UBFD1: variants seen among roughly 807,000 people sequenced by gnomAD.
The protein encoded by UBFD1 is ubiquitin family domain containing 1, also known as ubiquitin domain-containing protein UBFD1.
UBFD1 carries 12 observed loss-of-function variants against 35.1 expected under a neutral mutation model. That is an observed-to-expected ratio of 0.34 (90% CI 0.22 to 0.55). The LOEUF (loss-of-function observed/expected upper bound fraction) is 0.55, where lower values mean the gene tolerates loss of function less well. Among genes scored for constraint, UBFD1 ranks in the 20% least tolerant of loss-of-function variants. The probability of loss-of-function intolerance (pLI) is 0.89; values close to 1 mark genes in which losing one functional copy is unlikely to be tolerated. For synonymous variants in UBFD1, 178 were observed against 167.6 expected (o/e 1.06, Z -0.48); for missense variants, 337 against 410.8 (o/e 0.82, Z 1.55).
rs772473529 is a variant in UBFD1 at position 23,558,052 on chromosome 16, C to T, written c.128C>T (p.Ala43Val). ...CLEAEAAAGAAAEDSGAARGS... is the reference protein window; with the variant it reads ...CLEAEAAAGAVAEDSGAARGS... ...GAGGCTGAAGCCGCGGCGGGGGCGG[C>T]GGCCGAGGACTCCGGCGCCGCACGA... is the stretch of plus-strand genomic sequence containing the variant. The change falls in exon 2 of 7, where the codon GCG becomes GTG. Residue 43 changes from alanine (A) to valine (V), a missense_variant. By Grantham distance (64) the Ala-to-Val change is moderately conservative. Around this residue, in one of 4 missense-constraint regions of UBFD1, gnomAD observed 198 missense variants for 168.4 expected, o/e 1.18. Transcript: ENST00000395878. 18 of 1,338,166 alleles carry T rather than the reference C, an allele frequency of 1.3e-5. No individual in the cohort carries two copies. The highest frequency in any genetic ancestry group is 2.1e-4 in the Middle Eastern group (1 of 4,660). 82.9% of individuals were successfully genotyped at this position (1,338,166 alleles called of 1,614,324 possible).
At chr16:23,563,020 A>G (rs1965960205) in intron 5 of UBFD1, among the ~76,000 whole-genome samples, 1 of 152,220 alleles carries the variant, frequency 6.6e-6, no homozygotes. Flanking sequence ...TGGTCCACAG[A>G]AAAATGTTTT....
chr16:23,559,686 TC>T lies in UBFD1; in HGVS notation c.564+11del, dbSNP rs1484900830. 1.2e-6 allele frequency: 2 copies of T among 1,614,088 alleles called. No homozygotes were observed. The highest frequency in any genetic ancestry group is 1.7e-5 in the Admixed American group (1 of 60,018). ...TCTCTGCAGGCAGAAAGTGAGTCCA[TC>T]TTGTGCTTCTTGGTCTTGAGAAATT... On this transcript the variant is annotated intron_variant, in intron 3 of 6. Coordinates refer to ENST00000395878, the MANE Select transcript of UBFD1 (RefSeq NM_019116.3).
At chr16:23,559,763 GCTC>G in intron 3 of UBFD1, 87 bp downstream of exon 3, 1 of 1,574,460 alleles carries the variant, frequency 6.4e-7, no homozygotes, top group South Asian at 1.1e-5. Context: ...CCTAGAATAA[GCTC>G]CTTTTTGGAC....
At position 23,570,949 on chromosome 16, in the gene UBFD1, A is replaced by T. The variant is rs77282410; in HGVS notation, c.*359A>T. 0.2 allele frequency: 12,212 copies of T among 60,530 alleles called. 1,007 individuals are homozygous for T. Among genetic ancestry groups the T allele is most frequent in the African/African-American group, 0.42 (8,775 of 20,712 alleles). The allele number at this position is 60,530 out of a possible 1,614,324, so 3.7% of individuals were successfully genotyped here. A position where few individuals can be genotyped will look rare whatever the true frequency, so the allele number is the denominator to read the frequency against. ...AATGATCAAAAGCTTTGTTTTTTTT[A>T]AAAAAAAAAAAAGCAGTTTCAATTG... On this transcript the variant is annotated 3_prime_UTR_variant, in exon 7 of 7. Transcript: ENST00000395878.
intron 5 of UBFD1, 137 bp from the exon 6 acceptor site, chr16:23,566,850 T>C (rs2142219430): frequency 1.3e-6 from 1 of 759,074 alleles, no homozygotes; most frequent in Non-Finnish European, 2.2e-6. Flanking sequence ...TGTCGTGTTG[T>C]CCCCAGAGGG....
chr16:23,568,308 C>T (rs888659732), intron 6 of UBFD1, among the ~76,000 whole-genome samples: 10 of 151,774 alleles, frequency 6.6e-5, no homozygotes, highest in Admixed American at 4.6e-4. Context: ...TACAGGCTCA[C>T]GCCACCACAC....
At chr16:23,566,964 C>T in intron 5 of UBFD1, 23 bp from the exon 6 acceptor site, 1 of 1,611,646 alleles carries the variant, frequency 6.2e-7, no homozygotes, top group Non-Finnish European at 8.5e-7. Flanking sequence ...TTTGAATAAT[C>T]ACTGTAATCC....
chr16:23,559,746 T>C, intron 3 of UBFD1, 70 bp downstream of exon 3: 2 of 1,595,768 alleles, frequency 1.3e-6, no homozygotes, highest in South Asian at 2.2e-5. Flanking sequence ...TGGCTGGTTA[T>C]ATTCTCCCTA....
At chr16:23,565,775 T>C (rs11074567) in intron 5 of UBFD1, 14,395 of 152,008 alleles carry the variant, frequency 0.095, 1,077 homozygotes, top group African/African-American at 0.2. Flanking sequence ...TTAGACTCTA[T>C]CTTTCCAGAT....
rs1966083491 is a variant in UBFD1, at chr16:23,571,432, C to T, written c.*842C>T. 2 of 152,392 alleles carry T rather than the reference C, an allele frequency of 1.3e-5. No individual in the cohort carries two copies. 9.4% of individuals were successfully genotyped at this position (152,392 alleles called of 1,614,324 possible). On this transcript the variant is annotated 3_prime_UTR_variant, in exon 7 of 7. Coordinates refer to ENST00000395878, the MANE Select transcript of UBFD1 (RefSeq NM_019116.3). ...GCTGGTTGGATGATTGTCTGCACCCCTCACTGAGCTTGGCCTAGAGGCCCA... is the reference window on the plus strand; with the variant it reads ...GCTGGTTGGATGATTGTCTGCACCCTTCACTGAGCTTGGCCTAGAGGCCCA...
In UBFD1 at chr16:23,570,482, G is replaced by C. The variant is rs2234434; in HGVS notation, c.822G>C (p.Ala274=). The C allele has an allele frequency of 1.2e-6, 2 of 1,613,406 alleles. No individual in the cohort carries two copies. The part of the protein sequence containing the change: ...IEGHEDYHMM[A]FQLGPTEASY... ...TGGTTTTCCTTTTTCCCTTCCAGGC[G>C]TTTCAGTTGGGCCCCACGGAAGCCT... Residue 274 remains alanine (A), a splice_region_variant and synonymous_variant, in exon 7 of 7, where the codon GCG becomes GCC. Transcript: ENST00000395878.
In UBFD1 at chr16:23,570,639, T is replaced by A; in HGVS notation, c.*49T>A. ...GAGACTGACCCAAAGTGAAGGACAT[T>A]GCCGGGAGAGGCCTGCAGCATCCCT... is the stretch of plus-strand genomic sequence containing the variant. On this transcript the variant is annotated 3_prime_UTR_variant, in exon 7 of 7. Transcript: ENST00000395878. 1 of 1,487,948 alleles carries A rather than the reference T, an allele frequency of 6.7e-7. No individual in the cohort carries two copies. The highest frequency in any genetic ancestry group is 9.4e-7 in the Non-Finnish European group (1 of 1,067,170). The allele number at this position is 1,487,948 out of a possible 1,614,324, so 92.2% of individuals were successfully genotyped here. A position where few individuals can be genotyped will look rare whatever the true frequency, so the allele number is the denominator to read the frequency against.
intron 2 of UBFD1, 43 bp from the exon 3 acceptor site, chr16:23,559,425 G>A (rs7199641): frequency 6.4e-7 from 1 of 1,564,084 alleles, no homozygotes; most frequent in African/African-American, 1.4e-5. Flanking sequence ...ACATTTTTCT[G>A]TCCTTCCTTC....
At position 23,562,605 on chromosome 16, in the gene UBFD1, C is replaced by A. The variant is rs1198630759; in HGVS notation, c.631-20C>A. 1 of 1,610,554 alleles carries A rather than the reference C, an allele frequency of 6.2e-7. No homozygotes were observed. The highest frequency in any genetic ancestry group is 8.5e-7 in the Non-Finnish European group (1 of 1,177,426). On this transcript the variant is annotated intron_variant, in intron 4 of 6. Coordinates refer to ENST00000395878, the MANE Select transcript of UBFD1 (RefSeq NM_019116.3). ...TTTCTGACTGTCCCTCCATCTCTTA[C>A]CATTCTCTCGTGCCTTCAGGAGCGC...
chr16:23,558,046 G>C lies in UBFD1; in HGVS notation c.122G>C (p.Gly41Ala). 7.5e-7 allele frequency: 1 copy of C among 1,339,220 alleles called. No homozygotes were observed. Among genetic ancestry groups the C allele is most frequent in the Non-Finnish European group, 9.5e-7 (1 of 1,048,672 alleles). 83.0% of individuals were successfully genotyped at this position (1,339,220 alleles called of 1,614,324 possible). A position where few individuals can be genotyped will look rare whatever the true frequency, so the allele number is the denominator to read the frequency against. Reference protein sequence around the residue: ...VNCLEAEAAAGAAAEDSGAAR... With the variant: ...VNCLEAEAAAAAAAEDSGAAR... ...TGCCTGGAGGCTGAAGCCGCGGCGG[G>C]GGCGGCGGCCGAGGACTCCGGCGCC... The change falls in exon 2 of 7, where the codon GGG becomes GCG. Residue 41 changes from glycine (G) to alanine (A), a missense_variant. Coordinates refer to ENST00000395878, the MANE Select transcript of UBFD1 (RefSeq NM_019116.3).
Position 23,562,187 on chromosome 16 carries a change from T to A in UBFD1, c.565-19T>A, listed in dbSNP as rs1965945705. ...AATGTAGTCAGCTGTTTCATTTCATTCTCTCTTCTGACTTATAGCAACACA... is the reference window on the plus strand; with the variant it reads ...AATGTAGTCAGCTGTTTCATTTCATACTCTCTTCTGACTTATAGCAACACA... On this transcript the variant is annotated intron_variant, in intron 3 of 6. Transcript: ENST00000395878. 1 of 1,607,770 alleles carries A rather than the reference T, an allele frequency of 6.2e-7. No individual in the cohort carries two copies. The highest frequency in any genetic ancestry group is 8.5e-7 in the Non-Finnish European group (1 of 1,176,774).
intron 6 of UBFD1, among the ~76,000 whole-genome samples, chr16:23,567,952 G>A (rs1470454969): frequency 2.0e-5 from 3 of 152,248 alleles, no homozygotes; most frequent in African/African-American, 7.2e-5. Flanking sequence ...AGATGTGTTG[G>A]AAGATCCTCT....
intron 6 of UBFD1, 75 bp downstream of exon 6, chr16:23,567,144 G>A: frequency 7.1e-7 from 1 of 1,417,454 alleles, no homozygotes; most frequent in Non-Finnish European, 9.8e-7. Flanking sequence ...TTTTAACTGA[G>A]CTTGTTTAAC....
chr16:23,566,964 C>CT (rs1274501295), intron 5 of UBFD1, 23 bp from the exon 6 acceptor site: 1 of 1,611,646 alleles, frequency 6.2e-7, no homozygotes, highest in Non-Finnish European at 8.5e-7. Context: ...TTTGAATAAT[C>CT]ACTGTAATCC....
Sources: allele counts gnomAD v4.1 joint callset (sites outside exome capture counted in the v4.1 genomes callset), GRCh38; gene constraint gnomAD v4.1.1; regional missense constraint gnomAD v4.1.1; transcripts MANE v1.5; gene names NCBI Gene and HGNC (gene_info 2026-07-23, HGNC 2026-07-21).